SPOCK1: variants seen among roughly 807,000 people sequenced by gnomAD.
SPOCK1 encodes SPARC (osteonectin), cwcv and kazal like domains proteoglycan 1, also known as testican-1.
SPOCK1 carries 23 observed loss-of-function variants against 55.3 expected under a neutral mutation model. The ratio of observed to expected loss-of-function variants is 0.42; its 90% CI spans 0.30 to 0.59. The LOEUF (loss-of-function observed/expected upper bound fraction) is 0.59. SPOCK1 is among the 20% of genes least tolerant of loss of function. The pLI, the probability that SPOCK1 is intolerant of heterozygous loss-of-function variation, is 0.22. For synonymous variants in SPOCK1, 226 were observed against 221.0 expected (o/e 1.02, Z -0.20); for missense variants, 499 against 552.5 (o/e 0.90, Z 0.97).
chr5:137,104,172 G>A (rs950425986), intron 5 of SPOCK1, among the ~76,000 whole-genome samples: 6 of 152,184 alleles, frequency 3.9e-5, no homozygotes, highest in Non-Finnish European at 1.5e-5. Flanking sequence ...CATAGGGGCT[G>A]ATCCCCACTT....
chr5:137,420,773 G>A lies in SPOCK1; in HGVS notation c.186+77600C>T, dbSNP rs866843429. ...CTCCTGGGTTCATTGATTTTTTGAA[G>A]GGTTTTTTGTGTCTCTATCTCCTTC... On this transcript the variant is annotated intron_variant, in intron 2 of 10. Coordinates refer to ENST00000394945, the MANE Select transcript of SPOCK1 (RefSeq NM_004598.4). Among the ~76,000 whole-genome samples, 205 of 152,176 alleles carry A rather than the reference G, an allele frequency of 1.3e-3. 3 individuals carry two copies. The Middle Eastern group carries it at 0.014, about 10-fold the overall frequency.
chr5:137,381,367 A>T (rs1232989780), intron 2 of SPOCK1, among the ~76,000 whole-genome samples: 2 of 152,082 alleles, frequency 1.3e-5, no homozygotes, highest in Non-Finnish European at 2.9e-5. Flanking sequence ...TCATAGCTCC[A>T]CTAGGCAGCG....
At chr5:137,453,932 T>G (rs1487549971) in intron 2 of SPOCK1, among the ~76,000 whole-genome samples, 1 of 152,120 alleles carries the variant, frequency 6.6e-6, no homozygotes, top group Non-Finnish European at 1.5e-5. Context: ...CCAAACTAAA[T>G]TTAGCTGTTT....
intron 3 of SPOCK1, among the ~76,000 whole-genome samples, chr5:137,140,949 G>A (rs1754084328): frequency 6.6e-6 from 1 of 151,710 alleles, no homozygotes; most frequent in Admixed American, 6.6e-5. Context: ...TAATAGAGAT[G>A]GGGTTTCACC....
chr5:137,492,184 C>A (rs960860323), intron 2 of SPOCK1, among the ~76,000 whole-genome samples: 1 of 152,176 alleles, frequency 6.6e-6, no homozygotes, highest in Non-Finnish European at 1.5e-5. Flanking sequence ...GGGCACATAA[C>A]CCAGACTTGG....
intron 3 of SPOCK1, among the ~76,000 whole-genome samples, chr5:137,241,219 C>T (rs1580824449): frequency 6.6e-6 from 1 of 152,076 alleles, no homozygotes; most frequent in East Asian, 1.9e-4. Context: ...ATCCAGAAGC[C>T]ATAAAATTCG....
intron 2 of SPOCK1, among the ~76,000 whole-genome samples, chr5:137,405,893 C>G (rs1752088436): frequency 6.6e-6 from 1 of 152,102 alleles, no homozygotes; most frequent in Non-Finnish European, 1.5e-5. Context: ...CACAGGCTTC[C>G]TGCAATGGCC....
chr5:137,423,138 C>T (rs1351164165), intron 2 of SPOCK1, among the ~76,000 whole-genome samples: 2 of 152,174 alleles, frequency 1.3e-5, no homozygotes, highest in African/African-American at 2.4e-5. Flanking sequence ...ATGATTGTTC[C>T]TCTGGAAGTT....
chr5:137,327,902 A>G (rs959012416), intron 2 of SPOCK1, among the ~76,000 whole-genome samples: 23 of 152,334 alleles, frequency 1.5e-4, no homozygotes, highest in Admixed American at 2.6e-4. Flanking sequence ...GAAACAGTGG[A>G]AAAAAGCCAC....
chr5:137,469,315 G>A (rs561179899), intron 2 of SPOCK1, among the ~76,000 whole-genome samples: 14 of 152,244 alleles, frequency 9.2e-5, no homozygotes, highest in South Asian at 2.1e-4. Flanking sequence ...TCCAGAACCC[G>A]CCAGGAACAA....
At chr5:137,489,998 T>C (rs566324754) in intron 2 of SPOCK1, among the ~76,000 whole-genome samples, 21 of 152,258 alleles carry the variant, frequency 1.4e-4, no homozygotes, top group Non-Finnish European at 2.9e-4. Context: ...CAAAGGAACA[T>C]AAATGATTAT....
At chr5:137,098,945 T>C (rs545835816) in intron 5 of SPOCK1, among the ~76,000 whole-genome samples, 17 of 151,132 alleles carry the variant, frequency 1.1e-4, no homozygotes, top group Non-Finnish European at 1.8e-4. Context: ...CCAAGACCTC[T>C]TCTCAAAGAG....
intron 6 of SPOCK1, among the ~76,000 whole-genome samples, chr5:137,027,031 T>C (rs1461328484): frequency 6.6e-6 from 1 of 152,224 alleles, no homozygotes; most frequent in Non-Finnish European, 1.5e-5. Flanking sequence ...ATTAAACTCA[T>C]GTATTTTTAT....
At chr5:137,312,538 G>A (rs1315029053) in intron 2 of SPOCK1, among the ~76,000 whole-genome samples, 1 of 152,116 alleles carries the variant, frequency 6.6e-6, no homozygotes, top group African/African-American at 2.4e-5. Flanking sequence ...TGTTGTTGTT[G>A]TTTTCTCTTA....
At chr5:137,195,220 A>G (rs1755275653) in intron 3 of SPOCK1, among the ~76,000 whole-genome samples, 1 of 152,184 alleles carries the variant, frequency 6.6e-6, no homozygotes, top group Non-Finnish European at 1.5e-5. Flanking sequence ...ACATATGTAG[A>G]CAGGTTTCCA....
rs547139179 is a variant in SPOCK1, at chr5:137,342,727, C to T, written c.187-75672G>A. Among the ~76,000 whole-genome samples the T allele has an allele frequency of 2.0e-5, 3 of 152,370 alleles. 1 individual carries two copies. The highest frequency in any genetic ancestry group is 6.8e-3 in the Middle Eastern group (2 of 294). Reference sequence around the variant, plus strand: ...GAAATGGAAGATGCTCAGTTATTCACAGAAAATTACCTGTGGTTGAGGAAG... The same window carrying T: ...GAAATGGAAGATGCTCAGTTATTCATAGAAAATTACCTGTGGTTGAGGAAG... On this transcript the variant is annotated intron_variant, in intron 2 of 10. Coordinates refer to ENST00000394945, the MANE Select transcript of SPOCK1 (RefSeq NM_004598.4).
intron 6 of SPOCK1, among the ~76,000 whole-genome samples, chr5:137,060,414 C>T (rs538541661): frequency 6.6e-6 from 1 of 152,134 alleles, no homozygotes; most frequent in African/African-American, 2.4e-5. Context: ...TACATGGACA[C>T]AAAGAAGGGA....
chr5:137,128,841 C>A (rs1163257604), intron 4 of SPOCK1, among the ~76,000 whole-genome samples: 1 of 152,168 alleles, frequency 6.6e-6, no homozygotes, highest in African/African-American at 2.4e-5. Flanking sequence ...AGAGCTTCCA[C>A]TTTATTTCAT....
chr5:137,293,090 T>TTA lies in SPOCK1; in HGVS notation c.187-26036_187-26035insTA, dbSNP rs1757405887. Reference sequence around the variant, plus strand: ...TCAATTCTGCAGTTGGTTTGTTGAATTTTTTTTTTTTTTTTTTTTTTTTTT... The same window carrying TTA: ...TCAATTCTGCAGTTGGTTTGTTGAATTATTTTTTTTTTTTTTTTTTTTTTTTT... On this transcript the variant is annotated intron_variant, in intron 2 of 10. Coordinates refer to ENST00000394945, the MANE Select transcript of SPOCK1 (RefSeq NM_004598.4). 2.4e-3 allele frequency among the ~76,000 whole-genome samples: 3 copies of TTA among 1,232 alleles called. No homozygotes were observed. In the Admixed American group the frequency reaches 0.029, roughly 12 times the overall value. 0.8% of individuals were successfully genotyped at this position (1,232 alleles called of 152,430 possible).
Sources: gnomAD v4.1 joint callset for allele counts (sites outside exome capture counted in the v4.1 genomes callset) on GRCh38, gnomAD v4.1.1 for gene constraint, MANE v1.5 for transcripts, NCBI Gene and HGNC (gene_info 2026-07-23, HGNC 2026-07-21) for gene names.